HARBI1: variants seen among roughly 807,000 people sequenced by gnomAD.
HARBI1 encodes the protein putative nuclease HARBI1.
HARBI1 carries 15 observed loss-of-function variants against 25.3 expected under a neutral mutation model. The observed-to-expected ratio is 0.59, with a 90% CI of 0.40 to 0.91. The LOEUF is 0.91. HARBI1 is among the 40% of genes least tolerant of loss of function. The pLI is 0.00. For synonymous variants in HARBI1, 168 were observed against 160.5 expected, an observed-to-expected ratio of 1.05 and a Z score of -0.35; for missense variants, 396 against 445.8, an observed-to-expected ratio of 0.89 and a Z score of 1.01.
At chr11:46,614,083 TTAGGAG>T (rs2045287984) in intron 2 of HARBI1, among the ~76,000 whole-genome samples, 4 of 151,910 alleles carry the variant, frequency 2.6e-5, no homozygotes. Context: ...AGATAAATTC[TTAGGAG>T]TAGAAGAGCT....
chr11:46,605,201 T>C (rs79677876), intron 2 of HARBI1, among the ~76,000 whole-genome samples: 1 of 152,164 alleles, frequency 6.6e-6, no homozygotes, highest in Non-Finnish European at 1.5e-5. Context: ...ACAGGGCTCA[T>C]TTCTTTTAGG....
At chr11:46,604,061 G>T in intron 2 of HARBI1, 152 bp from the exon 3 acceptor site, 3 of 1,405,008 alleles carry the variant, frequency 2.1e-6, no homozygotes, top group Non-Finnish European at 2.8e-6. Flanking sequence ...AAATGCTATG[G>T]TAAAAAGAAA....
At position 46,603,900 on chromosome 11, in the gene HARBI1, G is replaced by T. The variant is rs201053799; in HGVS notation, c.680C>A (p.Ser227Tyr). The T allele has an allele frequency of 2.5e-6, 4 of 1,610,106 alleles. No individual in the cohort carries two copies. The highest frequency in any genetic ancestry group is 3.4e-6 in the Non-Finnish European group (4 of 1,177,584). ...CATGAGCCAGGTTCGAAGAAAGAAG[G>T]AACTGTCACCTGTGGGGAAGGCCCA... Reference protein sequence around the residue: ...HKDSWLLGDSSFFLRTWLMTP... With the variant: ...HKDSWLLGDSYFFLRTWLMTP... The change falls in exon 3 of 3, where the codon TCC becomes TAC. Residue 227 changes from serine to tyrosine, a missense_variant. By Grantham distance (144) the Ser-to-Tyr change is moderately radical. Transcript: ENST00000326737.
chr11:46,605,463 C>T (rs1380963274), intron 2 of HARBI1, among the ~76,000 whole-genome samples: 9 of 151,944 alleles, frequency 5.9e-5, no homozygotes, highest in African/African-American at 2.2e-4. Context: ...CTCGACCTCC[C>T]AAAGCCCTGG....
intron 2 of HARBI1, among the ~76,000 whole-genome samples, chr11:46,608,940 T>C (rs1218853446): frequency 6.7e-5 from 10 of 150,196 alleles, no homozygotes; most frequent in Non-Finnish European, 1.0e-4. Flanking sequence ...TTTTTTTTTT[T>C]GAGGCAAAGT....
chr11:46,603,792 G>C lies in HARBI1; in HGVS notation c.788C>G (p.Thr263Ser). The C allele has an allele frequency of 6.2e-7, 1 of 1,614,190 alleles. No individual in the cohort carries two copies. The highest frequency in any genetic ancestry group is 8.5e-7 in the Non-Finnish European group (1 of 1,180,040). Residue 263 changes from threonine (T) to serine (S), a missense_variant, in exon 3 of 3, where the codon ACT (threonine) becomes AGT (serine). Physicochemically the swap from Thr to Ser is moderately conservative, Grantham distance 58. Coordinates refer to ENST00000326737, the MANE Select transcript of HARBI1 (RefSeq NM_173811.4). ...GAATCGGGAGCAGAGGGTTCGGAAA[G>C]TCTTCTCAATCACACTGTGAGTTGC... ...HSATHSVIEKTFRTLCSRFRC... is the reference protein window; with the variant it reads ...HSATHSVIEKSFRTLCSRFRC...
In HARBI1 at chr11:46,615,579, C is replaced by G; in HGVS notation, c.659G>C (p.Ser220Thr). Residue 220 changes from serine (S) to threonine (T), a missense_variant, in exon 2 of 3, where the codon AGC becomes ACC. Transcript: ENST00000326737. ...SQFEAGMHKD[S>T]WLLGDSSFFL... ...ACTTGCAAACTTACCCAGAAGCCAG[C>G]TATCTTTGTGCATACCCGCTTCAAA... 1 of 1,611,646 alleles carries G rather than the reference C, an allele frequency of 6.2e-7. No homozygotes were observed. The highest frequency in any genetic ancestry group is 1.1e-5 in the South Asian group (1 of 90,938).
At position 46,615,694 on chromosome 11, in the gene HARBI1, T is replaced by A. The variant is rs750650747; in HGVS notation, c.544A>T (p.Ile182Phe). ...HSLNCLMVCD[I>F]RGTLMTVETN... ...TCCACGGTCATTAGTGTCCCTCTAATGTCACACACCATCAGGCAGTTTAAA... is the reference window on the plus strand; with the variant it reads ...TCCACGGTCATTAGTGTCCCTCTAAAGTCACACACCATCAGGCAGTTTAAA... The change falls in exon 2 of 3, where the codon ATT becomes TTT. Residue 182 changes from isoleucine to phenylalanine, a missense_variant. Physicochemically the swap from Ile to Phe is conservative, Grantham distance 21. Transcript: ENST00000326737. The A allele has an allele frequency of 5.0e-6, 8 of 1,614,192 alleles. No homozygotes were observed. In the Admixed American group the frequency reaches 1.3e-4, roughly 27 times the overall value.
At chr11:46,612,897 C>G (rs2045237030) in intron 2 of HARBI1, among the ~76,000 whole-genome samples, 1 of 150,986 alleles carries the variant, frequency 6.6e-6, no homozygotes, top group African/African-American at 2.4e-5. Flanking sequence ...GTCTTGAACT[C>G]CTGACATCAG....
chr11:46,605,587 C>CTTTTTT (rs11333482), intron 2 of HARBI1, among the ~76,000 whole-genome samples: 4 of 90,252 alleles, frequency 4.4e-5, no homozygotes, highest in South Asian at 4.2e-4. Context: ...CAGGTATAAC[C>CTTTTTT]TTTTTTTTTT....
At chr11:46,613,626 G>A (rs1053340315) in intron 2 of HARBI1, among the ~76,000 whole-genome samples, 3 of 151,788 alleles carry the variant, frequency 2.0e-5, no homozygotes, top group Non-Finnish European at 4.4e-5. Flanking sequence ...GGGATTATAG[G>A]CGCGCACCAC....
intron 2 of HARBI1, 54 bp from the exon 3 acceptor site, chr11:46,603,963 G>A: frequency 6.6e-7 from 1 of 1,523,860 alleles, no homozygotes; most frequent in Admixed American, 2.1e-5. Flanking sequence ...ATAGAAACAG[G>A]AAGTGAAATT....
intron 2 of HARBI1, 34 bp from the exon 3 acceptor site, chr11:46,603,943 T>A (rs770153990): frequency 8.7e-5 from 135 of 1,558,338 alleles, no homozygotes; most frequent in Non-Finnish European, 1.2e-4. Flanking sequence ...CATAAATGAC[T>A]ATAAGTGGAA....
At chr11:46,605,275 G>T (rs1591233255) in intron 2 of HARBI1, among the ~76,000 whole-genome samples, 1 of 152,146 alleles carries the variant, frequency 6.6e-6, no homozygotes, top group South Asian at 2.1e-4. Context: ...ATGCAGTGGA[G>T]TGATAACAGT....
chr11:46,614,449 T>G (rs1447817998), intron 2 of HARBI1, among the ~76,000 whole-genome samples: 1 of 151,794 alleles, frequency 6.6e-6, no homozygotes, highest in Non-Finnish European at 1.5e-5. Context: ...TAATAATTTT[T>G]TTTTACGTTG....
chr11:46,615,495 G>A (rs544520772), intron 2 of HARBI1, 73 bp downstream of exon 2: 231 of 1,306,300 alleles, frequency 1.8e-4, no homozygotes, highest in Non-Finnish European at 1.1e-4. Context: ...GGGGTTGTGT[G>A]AGCCACCGCC....
At chr11:46,613,181 T>A (rs1295778969) in intron 2 of HARBI1, among the ~76,000 whole-genome samples, 1 of 151,364 alleles carries the variant, frequency 6.6e-6, no homozygotes, top group African/African-American at 2.4e-5. Flanking sequence ...GGTTTGACCA[T>A]GTCGGCCAGG....
intron 2 of HARBI1, chr11:46,604,517 A>G (rs1227112213): frequency 1.0e-6 from 1 of 983,356 alleles, no homozygotes; most frequent in African/African-American, 1.7e-5. Context: ...ATCTCTACAG[A>G]GCAAGAATGA....
In HARBI1 at chr11:46,616,059, G is replaced by C. The variant is rs1316796256; in HGVS notation, c.179C>G (p.Pro60Arg). 1 of 1,614,050 alleles carries C rather than the reference G, an allele frequency of 6.2e-7. No homozygotes were observed. Among genetic ancestry groups the C allele is most frequent in the Non-Finnish European group, 8.5e-7 (1 of 1,180,048 alleles). ...GCTAATAGCCCTGGATCGCTGAGTA[G>C]GCCTAGAAAGATTCGCCCCCAAGAG... ...VELLGANLSR[P>R]TQRSRAISPE... The change falls in exon 2 of 3, where the codon CCT (proline) becomes CGT (arginine). Residue 60 changes from proline to arginine, a missense_variant. Pro to Arg is a moderately radical substitution (Grantham distance 103). Coordinates refer to ENST00000326737, the MANE Select transcript of HARBI1 (RefSeq NM_173811.4).
Sources: gnomAD v4.1 joint callset for allele counts (sites outside exome capture counted in the v4.1 genomes callset) on GRCh38, gnomAD v4.1.1 for gene constraint, MANE v1.5 for transcripts, NCBI Gene and HGNC (gene_info 2026-07-23, HGNC 2026-07-21) for gene names.